NBAS: variants seen among roughly 807,000 people sequenced by gnomAD.
The protein encoded by NBAS is NAG/BC035112 fusion.
A neutral mutation model predicts 302.5 loss-of-function variants in NBAS; 219 were observed. The observed-to-expected ratio is 0.72, with a 90% CI of 0.65 to 0.81. The LOEUF (loss-of-function observed/expected upper bound fraction) is 0.81. Ranked by LOEUF, NBAS falls within the 30% of genes least tolerant of loss-of-function variation. NBAS has a pLI of 0.00. For missense variants in NBAS, 2,932 were observed against 2,841.6 expected, an observed-to-expected ratio of 1.03 and a Z score of -0.72; for synonymous variants, 1,118 against 1,021.6, an observed-to-expected ratio of 1.09 and a Z score of -1.80.
chr2:15,477,418 C>T (rs1191913405), intron 13 of NBAS, among the ~76,000 whole-genome samples: 2 of 152,102 alleles, frequency 1.3e-5, no homozygotes, highest in Non-Finnish European at 2.9e-5. Flanking sequence ...TGCACCACCA[C>T]GCCTGGCTAA....
chr2:15,354,257 A>G (rs1308058091), intron 33 of NBAS, among the ~76,000 whole-genome samples: 1 of 152,230 alleles, frequency 6.6e-6, no homozygotes, highest in African/African-American at 2.4e-5. Context: ...CACTTTATAG[A>G]TAAGACAGAC....
the NBAS span, among the ~76,000 whole-genome samples, chr2:15,100,828 G>C: frequency 6.6e-6 from 1 of 152,172 alleles, no homozygotes; most frequent in Non-Finnish European, 1.5e-5. Context: ...TATAGTTGGT[G>C]TGTCAACTAT....
chr2:14,790,523 C>A, the NBAS span, among the ~76,000 whole-genome samples: 1 of 152,148 alleles, frequency 6.6e-6, no homozygotes, highest in African/African-American at 2.4e-5. Context: ...AATCAATTTT[C>A]TTCCTTTCCT....
chr2:14,931,309 TG>T, the NBAS span, among the ~76,000 whole-genome samples: 1 of 152,212 alleles, frequency 6.6e-6, no homozygotes, highest in African/African-American at 2.4e-5. Flanking sequence ...GTTTTTTGTT[TG>T]TTTGTTTGGG....
intron 19 of NBAS, among the ~76,000 whole-genome samples, chr2:15,462,713 C>T (rs919937624): frequency 6.6e-6 from 1 of 152,046 alleles, no homozygotes; most frequent in African/African-American, 2.4e-5. Flanking sequence ...AGGAGCTATG[C>T]AGCGAGCAGG....
Position 15,342,502 on chromosome 2 carries a change from C to A in NBAS, c.4179+9490G>T, listed in dbSNP as rs558079231. Among the ~76,000 whole-genome samples, 29 of 152,008 alleles carry A rather than the reference C, an allele frequency of 1.9e-4. No individual in the cohort carries two copies. In the Middle Eastern group the frequency reaches 0.01, roughly 53 times the overall value. ...TTAGTTTACAAAACAAAATAATAAA[C>A]CTCCAGGAGACAGAGGAGAAGCTAT... On this transcript the variant is annotated intron_variant, in intron 35 of 51. Transcript: ENST00000281513.
At position 15,331,329 on chromosome 2, in the gene NBAS, C is replaced by G. The variant is rs990948387; in HGVS notation, c.4180-564G>C. 2.0e-5 allele frequency among the ~76,000 whole-genome samples: 3 copies of G among 152,176 alleles called. No homozygotes were observed. In the East Asian group the frequency reaches 5.8e-4, roughly 29 times the overall value. ...AATCTTGAAGCAATCAGCTGAAATT[C>G]TCACTCTCCATTTACTAATCTGAGA... On this transcript the variant is annotated intron_variant, in intron 35 of 51. Transcript: ENST00000281513.
rs114085649 is a variant in NBAS at position 15,205,960 on chromosome 2, G to C, written c.6432+12813C>G. ...AGGACTAATATAGAAAATCAGTACC[G>C]AGATAGTGGGGCACTGATATAAAGA... On this transcript the variant is annotated intron_variant, in intron 48 of 51. Coordinates refer to ENST00000281513, the MANE Select transcript of NBAS (RefSeq NM_015909.4). Among the ~76,000 whole-genome samples, 582 of 152,220 alleles carry C rather than the reference G, an allele frequency of 3.8e-3. 3 individuals carry two copies. Among genetic ancestry groups the C allele is most frequent in the African/African-American group, 0.013 (560 of 41,542 alleles).
At chr2:14,821,373 T>C in the NBAS span, among the ~76,000 whole-genome samples, 1 of 152,326 alleles carries the variant, frequency 6.6e-6, no homozygotes, top group South Asian at 2.1e-4. Context: ...GTCTGTTATG[T>C]GACGCTGATG....
chr2:15,226,111 G>A (rs1667141395), intron 47 of NBAS, among the ~76,000 whole-genome samples: 2 of 152,164 alleles, frequency 1.3e-5, no homozygotes, highest in Non-Finnish European at 2.9e-5. Flanking sequence ...CTGGCTCTTA[G>A]TGTCAAAAAG....
chr2:15,002,475 A>T, the NBAS span, among the ~76,000 whole-genome samples: 28 of 152,280 alleles, frequency 1.8e-4, no homozygotes, highest in Middle Eastern at 3.4e-3. Flanking sequence ...GGCTTCACCC[A>T]GTGGATCCCG....
intron 9 of NBAS, among the ~76,000 whole-genome samples, chr2:15,521,565 G>A (rs1198456724): frequency 6.6e-6 from 1 of 152,130 alleles, no homozygotes; most frequent in Non-Finnish European, 1.5e-5. Context: ...TAGTGTATTA[G>A]TATTGCTTTC....
the NBAS span, among the ~76,000 whole-genome samples, chr2:15,152,839 A>G: frequency 6.6e-6 from 1 of 152,242 alleles, no homozygotes. Flanking sequence ...CAGTTGATAT[A>G]TAGTCAGTAG....
In NBAS at chr2:15,402,199, G is replaced by A; in HGVS notation, c.3040C>T (p.Leu1014=). 1 of 1,613,532 alleles carries A rather than the reference G, an allele frequency of 6.2e-7. No homozygotes were observed. Among genetic ancestry groups the A allele is most frequent in the Non-Finnish European group, 8.5e-7 (1 of 1,179,640 alleles). ...RNDQLCLCYD[L]LECLPERGYG... is the part of the protein sequence containing the mutation. Reference sequence around the variant, plus strand: ...CCTCTTTCTGGCAGACATTCTAGTAGGTCATAGCAAAGACAGAGTTGATCA... The same window carrying A: ...CCTCTTTCTGGCAGACATTCTAGTAAGTCATAGCAAAGACAGAGTTGATCA... Residue 1014 remains leucine (L), a synonymous_variant, in exon 26 of 52, where the codon CTA becomes TTA. Transcript: ENST00000281513.
chr2:15,190,257 T>C lies in NBAS; in HGVS notation c.6572+7A>G, dbSNP rs376105252. On this transcript the variant is annotated splice_region_variant and intron_variant, in intron 49 of 51. Coordinates refer to ENST00000281513, the MANE Select transcript of NBAS (RefSeq NM_015909.4). ...TCTAATTACGCTAATTTTATGTTAATACTTACACATATTCACTTTTCATAG... is the reference window on the plus strand; with the variant it reads ...TCTAATTACGCTAATTTTATGTTAACACTTACACATATTCACTTTTCATAG... 1 of 1,613,742 alleles carries C rather than the reference T, an allele frequency of 6.2e-7. No individual in the cohort carries two copies.
chr2:14,860,030 T>C, the NBAS span, among the ~76,000 whole-genome samples: 1 of 151,804 alleles, frequency 6.6e-6, no homozygotes, highest in Non-Finnish European at 1.5e-5. Context: ...AAGATATAAA[T>C]AGAAATTGAC....
chr2:15,125,617 C>T, the NBAS span, among the ~76,000 whole-genome samples: 4 of 152,168 alleles, frequency 2.6e-5, no homozygotes, highest in Non-Finnish European at 5.9e-5. Flanking sequence ...GGATGTGAGA[C>T]ATGGAGTCAA....
chr2:15,382,161 A>AAT (rs1301679875), intron 29 of NBAS, among the ~76,000 whole-genome samples: 2 of 152,126 alleles, frequency 1.3e-5, no homozygotes, highest in Admixed American at 6.6e-5. Flanking sequence ...AGAAAATGGA[A>AAT]ATATATATAC....
At chr2:15,069,628 A>G in the NBAS span, among the ~76,000 whole-genome samples, 1 of 152,146 alleles carries the variant, frequency 6.6e-6, no homozygotes, top group Non-Finnish European at 1.5e-5. Flanking sequence ...TACTTTTCAC[A>G]TTTCAAAGGA....
Sources: allele counts gnomAD v4.1 joint callset (sites outside exome capture counted in the v4.1 genomes callset), GRCh38; gene constraint gnomAD v4.1.1; transcripts MANE v1.5; gene names NCBI Gene and HGNC (gene_info 2026-07-23, HGNC 2026-07-21).